The following IGSF21 variants were observed in gnomAD, a reference collection of about 807,000 sequenced individuals.
IGSF21 encodes the protein immunoglobulin superfamily member 21.
A neutral mutation model predicts 46.8 loss-of-function variants in IGSF21; 28 were observed. The ratio of observed to expected loss-of-function variants is 0.60; its 90% CI spans 0.44 to 0.82. The LOEUF is 0.82. Ranked by LOEUF, IGSF21 falls within the 40% of genes least tolerant of loss-of-function variation. The pLI, the probability that IGSF21 is intolerant of heterozygous loss-of-function variation, is 0.00. For synonymous variants in IGSF21, 284 were observed against 273.6 expected, an observed-to-expected ratio of 1.04 and a Z score of -0.38; for missense variants, 624 against 665.5, an observed-to-expected ratio of 0.94 and a Z score of 0.69.
intron 1 of IGSF21, among the ~76,000 whole-genome samples, chr1:18,154,234 G>A (rs1192809560): frequency 6.6e-6 from 1 of 152,100 alleles, no homozygotes; most frequent in Non-Finnish European, 1.5e-5. Flanking sequence ...TTGCCTCTCT[G>A]CCTGGGCTCT....
At chr1:18,278,674 C>G (rs990548142) in intron 2 of IGSF21, among the ~76,000 whole-genome samples, 2 of 151,914 alleles carry the variant, frequency 1.3e-5, no homozygotes, top group South Asian at 4.2e-4. Context: ...CCACTGCAGC[C>G]TCCTGAGTAG....
chr1:18,164,780 A>G (rs1339613809), intron 1 of IGSF21, among the ~76,000 whole-genome samples: 1 of 151,808 alleles, frequency 6.6e-6, no homozygotes, highest in Admixed American at 6.6e-5. Context: ...ACATGTGCAC[A>G]ATGTGCAGGT....
At chr1:18,197,302 G>A (rs1289028483) in intron 1 of IGSF21, among the ~76,000 whole-genome samples, 1 of 152,170 alleles carries the variant, frequency 6.6e-6, no homozygotes, top group African/African-American at 2.4e-5. Context: ...AAGCCTGTGG[G>A]GTGTCTGGAC....
intron 1 of IGSF21, among the ~76,000 whole-genome samples, chr1:18,119,195 T>A (rs2086212212): frequency 6.6e-6 from 1 of 152,226 alleles, no homozygotes; most frequent in Admixed American, 6.5e-5. Flanking sequence ...GCAGCAGATA[T>A]TTATTGGATG....
Position 18,378,367 on chromosome 1 carries a change from C to A in IGSF21, c.*41C>A. On this transcript the variant is annotated 3_prime_UTR_variant, in exon 10 of 10. Transcript: ENST00000251296. ...CCACTCCATCAGGCACTGACATCTC[C>A]ACGACCGGTTTTCATTTCTTTTCTA... 6.6e-7 allele frequency: 1 copy of A among 1,524,754 alleles called. No homozygotes were observed. Among genetic ancestry groups the A allele is most frequent in the Non-Finnish European group, 9.1e-7 (1 of 1,101,750 alleles). The allele number at this position is 1,524,754 out of a possible 1,614,324, so 94.5% of individuals were successfully genotyped here. A position where few individuals can be genotyped will look rare whatever the true frequency, so the allele number is the denominator to read the frequency against.
chr1:18,241,150 G>A (rs554251075), intron 2 of IGSF21, among the ~76,000 whole-genome samples: 4 of 152,270 alleles, frequency 2.6e-5, no homozygotes, highest in East Asian at 1.9e-4. Context: ...GGATGTGAAC[G>A]AATTTTATAG....
intron 1 of IGSF21, among the ~76,000 whole-genome samples, chr1:18,196,073 G>A (rs1011956308): frequency 1.3e-5 from 2 of 152,164 alleles, no homozygotes; most frequent in African/African-American, 2.4e-5. Context: ...TGATGGAGAG[G>A]TCCACATGAA....
At chr1:18,178,747 C>A (rs1018978281) in intron 1 of IGSF21, among the ~76,000 whole-genome samples, 1 of 152,060 alleles carries the variant, frequency 6.6e-6, no homozygotes, top group African/African-American at 2.4e-5. Flanking sequence ...TGTCATCCCC[C>A]CTTCCCCTTC....
chr1:18,289,082 G>A (rs1003982438), intron 2 of IGSF21, among the ~76,000 whole-genome samples: 6 of 152,038 alleles, frequency 3.9e-5, no homozygotes, highest in African/African-American at 9.7e-5. Context: ...TATTTTCCTC[G>A]TAATAAAACC....
chr1:18,281,470 G>A lies in IGSF21; in HGVS notation c.184-10396G>A, dbSNP rs529963720. ...AATCCCAGCTACTCTGGAGGTTGAGGCAGGAGAATTGCTTGAACTCAGGAG... is the reference window on the plus strand; with the variant it reads ...AATCCCAGCTACTCTGGAGGTTGAGACAGGAGAATTGCTTGAACTCAGGAG... On this transcript the variant is annotated intron_variant, in intron 2 of 9. Coordinates refer to ENST00000251296, the MANE Select transcript of IGSF21 (RefSeq NM_032880.5). Among the ~76,000 whole-genome samples the A allele has an allele frequency of 3.3e-5, 5 of 152,048 alleles. No homozygotes were observed. In the South Asian group the frequency reaches 8.3e-4, roughly 25 times the overall value.
At position 18,294,658 on chromosome 1, in the gene IGSF21, T is replaced by C. The variant is rs192477914; in HGVS notation, c.305+2671T>C. On this transcript the variant is annotated intron_variant, in intron 3 of 9. Coordinates refer to ENST00000251296, the MANE Select transcript of IGSF21 (RefSeq NM_032880.5). Reference sequence around the variant, plus strand: ...CCTGATATCAGGAGCCAGTGCTCTTTTCTTCCCCACATGGGGGCCAATCTC... The same window carrying C: ...CCTGATATCAGGAGCCAGTGCTCTTCTCTTCCCCACATGGGGGCCAATCTC... 2.6e-3 allele frequency among the ~76,000 whole-genome samples: 396 copies of C among 152,316 alleles called. 1 individual carries two copies. Among genetic ancestry groups the C allele is most frequent in the African/African-American group, 9.1e-3 (379 of 41,580 alleles).
chr1:18,157,861 T>C (rs1044624488), intron 1 of IGSF21, among the ~76,000 whole-genome samples: 1 of 152,088 alleles, frequency 6.6e-6, no homozygotes, highest in Non-Finnish European at 1.5e-5. Flanking sequence ...AGGGCTCCCA[T>C]AGGGTCTCCT....
chr1:18,296,879 T>A (rs970247171), intron 3 of IGSF21, among the ~76,000 whole-genome samples: 5 of 152,206 alleles, frequency 3.3e-5, no homozygotes, highest in Admixed American at 6.5e-5. Flanking sequence ...TGAGGAACAC[T>A]GGACAGATTT....
chr1:18,213,133 A>G (rs962093711), intron 1 of IGSF21, among the ~76,000 whole-genome samples: 5 of 152,190 alleles, frequency 3.3e-5, no homozygotes, highest in African/African-American at 7.2e-5. Context: ...ATATCCTGCC[A>G]TGGGAAACCT....
chr1:18,329,563 A>G (rs2085692220), intron 3 of IGSF21, among the ~76,000 whole-genome samples: 1 of 152,216 alleles, frequency 6.6e-6, no homozygotes, highest in African/African-American at 2.4e-5. Context: ...ATACTGCAGC[A>G]TGACATGGAC....
chr1:18,363,229 A>G (rs550249147), intron 5 of IGSF21, among the ~76,000 whole-genome samples: 1 of 152,306 alleles, frequency 6.6e-6, no homozygotes, highest in African/African-American at 2.4e-5. Context: ...GCACAGTACT[A>G]GGATTTAGCA....
intron 6 of IGSF21, among the ~76,000 whole-genome samples, chr1:18,369,325 T>G (rs1402718913): frequency 6.6e-6 from 1 of 152,252 alleles, no homozygotes; most frequent in African/African-American, 2.4e-5. Context: ...CCAGGCTCTC[T>G]GCAAGATGCT....
intron 4 of IGSF21, among the ~76,000 whole-genome samples, chr1:18,359,903 C>G (rs1175969143): frequency 6.6e-6 from 1 of 152,224 alleles, no homozygotes; most frequent in Non-Finnish European, 1.5e-5. Context: ...GGCTCAGCTT[C>G]ATGTCAGAGG....
At chr1:18,176,960 A>G (rs1006610594) in intron 1 of IGSF21, among the ~76,000 whole-genome samples, 1 of 152,016 alleles carries the variant, frequency 6.6e-6, no homozygotes. Flanking sequence ...GCTTCCTATA[A>G]TTTTTCTGGA....
Sources: gnomAD v4.1 joint callset for allele counts (sites outside exome capture counted in the v4.1 genomes callset) on GRCh38, gnomAD v4.1.1 for gene constraint, MANE v1.5 for transcripts, NCBI Gene and HGNC (gene_info 2026-07-23, HGNC 2026-07-21) for gene names.